Variants in TRPS1 observed in about 807,000 individuals in gnomAD.
TRPS1 encodes the protein zinc finger transcription factor Trps1.
Under a neutral mutation model 101.2 loss-of-function variants are expected in TRPS1, and 6 were observed. The observed-to-expected ratio is 0.06, with a 90% CI of 0.03 to 0.12. The LOEUF (loss-of-function observed/expected upper bound fraction) is 0.12, where lower values mean the gene tolerates loss of function less well. TRPS1 is among the 10% of genes least tolerant of loss of function. The probability of loss-of-function intolerance (pLI) is 1.00; values close to 1 mark genes in which losing one functional copy is unlikely to be tolerated. For synonymous variants in TRPS1, 578 were observed against 589.8 expected, an observed-to-expected ratio of 0.98 and a Z score of 0.29; for missense variants, 1,363 against 1,567.0, an observed-to-expected ratio of 0.87 and a Z score of 2.20.
intron 1 of TRPS1, among the ~76,000 whole-genome samples, chr8:115,628,409 T>TA (rs1818556765): frequency 6.6e-6 from 1 of 151,752 alleles, no homozygotes; most frequent in Admixed American, 6.6e-5. Context: ...CTAATTAGCA[T>TA]CATTTTTCCC....
At chr8:115,486,863 C>T (rs958395613) in intron 5 of TRPS1, among the ~76,000 whole-genome samples, 3 of 152,150 alleles carry the variant, frequency 2.0e-5, no homozygotes, top group African/African-American at 4.8e-5. Flanking sequence ...GAAGCAAGTG[C>T]TGAAGGAGAA....
At chr8:115,633,222 T>C (rs894363202) in intron 1 of TRPS1, among the ~76,000 whole-genome samples, 2 of 151,888 alleles carry the variant, frequency 1.3e-5, no homozygotes, top group Non-Finnish European at 2.9e-5. Context: ...GAAAGCGTTC[T>C]GAACAAAAGG....
At chr8:115,629,612 T>C (rs557028542) in intron 1 of TRPS1, among the ~76,000 whole-genome samples, 7 of 151,888 alleles carry the variant, frequency 4.6e-5, no homozygotes, top group Admixed American at 1.3e-4. Context: ...TATTATTTTA[T>C]AATAACTTAA....
intron 5 of TRPS1, among the ~76,000 whole-genome samples, chr8:115,483,625 A>T (rs1313435249): frequency 6.6e-6 from 1 of 152,180 alleles, no homozygotes; most frequent in Admixed American, 6.5e-5. Context: ...CCAAGTGGTT[A>T]AGTAACTTGC....
At chr8:115,417,403 T>C (rs762380660) in intron 6 of TRPS1, among the ~76,000 whole-genome samples, 6 of 152,182 alleles carry the variant, frequency 3.9e-5, no homozygotes, top group Non-Finnish European at 8.8e-5. Context: ...TAAAAGTGTA[T>C]TCCCTGTAGC....
At chr8:115,486,656 T>C (rs989929875) in intron 5 of TRPS1, among the ~76,000 whole-genome samples, 2 of 152,210 alleles carry the variant, frequency 1.3e-5, no homozygotes, top group African/African-American at 2.4e-5. Context: ...AAAGTTTTAA[T>C]GGTCGGGATT....
At chr8:115,639,572 G>A (rs1554602256) in intron 1 of TRPS1, among the ~76,000 whole-genome samples, 4 of 151,594 alleles carry the variant, frequency 2.6e-5, no homozygotes, top group Non-Finnish European at 5.9e-5. Context: ...GTTCACGCCT[G>A]TAATCCCAGC....
chr8:115,659,666 G>T (rs1050119807), intron 1 of TRPS1, among the ~76,000 whole-genome samples: 1 of 151,898 alleles, frequency 6.6e-6, no homozygotes, highest in African/African-American at 2.4e-5. Flanking sequence ...AGCTACTTAA[G>T]AGTATTGAGA....
chr8:115,561,052 C>A (rs1816934523), intron 5 of TRPS1, among the ~76,000 whole-genome samples: 1 of 152,106 alleles, frequency 6.6e-6, no homozygotes, highest in Non-Finnish European at 1.5e-5. Flanking sequence ...TAATCATGGA[C>A]TGGTGCAACG....
intron 5 of TRPS1, among the ~76,000 whole-genome samples, chr8:115,473,089 G>T (rs1814512852): frequency 6.6e-6 from 1 of 151,994 alleles, no homozygotes; most frequent in Non-Finnish European, 1.5e-5. Context: ...ACATTTTTCA[G>T]TGTCTTTACA....
chr8:115,422,567 C>A (rs925467240), intron 5 of TRPS1, among the ~76,000 whole-genome samples: 3 of 152,048 alleles, frequency 2.0e-5, no homozygotes, highest in African/African-American at 7.2e-5. Flanking sequence ...GGTTTCACCA[C>A]GTTGACCAGC....
intron 5 of TRPS1, among the ~76,000 whole-genome samples, chr8:115,457,164 A>T (rs544880260): frequency 1.3e-5 from 2 of 152,376 alleles, no homozygotes; most frequent in South Asian, 4.1e-4. Context: ...AACAGTTTTG[A>T]TAAAAAGAAG....
intron 1 of TRPS1, chr8:115,637,378 T>A: frequency 1.2e-6 from 1 of 866,190 alleles, no homozygotes; most frequent in Non-Finnish European, 1.4e-6. Flanking sequence ...GTGTGACATG[T>A]AGACGGAAGA....
At chr8:115,451,063 C>T (rs1476583153) in intron 5 of TRPS1, among the ~76,000 whole-genome samples, 1 of 152,172 alleles carries the variant, frequency 6.6e-6, no homozygotes, top group African/African-American at 2.4e-5. Context: ...TATTCTTCTT[C>T]ACATCTTTAC....
chr8:115,409,261 G>GGAAA lies in TRPS1; in HGVS notation c.*4761_*4762insTTTC, dbSNP rs886062602. ...TGATATGCTGCAGTTTATATGTTGG[G>GGAAA]AAAAAAAAAAAAAAAAAAAACAGGG... is the stretch of plus-strand genomic sequence containing the variant. On this transcript the variant is annotated 3_prime_UTR_variant, in exon 7 of 7. Coordinates refer to ENST00000395715, the MANE Select transcript of TRPS1 (RefSeq NM_014112.5). The GGAAA allele has an allele frequency of 2.6e-4, 27 of 102,264 alleles. No individual in the cohort carries two copies. The highest frequency in any genetic ancestry group is 1.1e-3 in the African/African-American group (27 of 24,728). 6.3% of individuals were successfully genotyped at this position (102,264 alleles called of 1,614,324 possible). A position where few individuals can be genotyped will look rare whatever the true frequency, so the allele number is the denominator to read the frequency against.
At chr8:115,510,835 T>C (rs912706663) in intron 5 of TRPS1, among the ~76,000 whole-genome samples, 2 of 151,956 alleles carry the variant, frequency 1.3e-5, no homozygotes, top group African/African-American at 4.8e-5. Flanking sequence ...CCATTTTGAA[T>C]GCCAAGGTTA....
At chr8:115,652,814 T>C (rs1811591978) in intron 1 of TRPS1, among the ~76,000 whole-genome samples, 1 of 152,222 alleles carries the variant, frequency 6.6e-6, no homozygotes, top group Non-Finnish European at 1.5e-5. Context: ...CAAATATGCC[T>C]CATGAGGTCA....
chr8:115,414,620 T>A lies in TRPS1; in HGVS notation c.3288A>T (p.Pro1096=). ...ACTGGTACTTTTCAATAGGGCTGCC[T>A]GGTGGTGAATAATTTGGGTGTTTCG... ...RPAKHPNYSP[P]GSPIEKYQYP... is the part of the protein sequence containing the mutation. The change falls in exon 7 of 7, where the codon CCA becomes CCT. Residue 1096 remains proline, a synonymous_variant. Transcript: ENST00000395715. This position sits in a 1 kb window ranked among gnomAD's most constrained non-coding sequence, Gnocchi z 4.8. 1 of 1,614,044 alleles carries A rather than the reference T, an allele frequency of 6.2e-7. No individual in the cohort carries two copies. Among genetic ancestry groups the A allele is most frequent in the African/African-American group, 1.3e-5 (1 of 75,010 alleles).
At chr8:115,635,638 G>C (rs1818750950) in intron 1 of TRPS1, among the ~76,000 whole-genome samples, 1 of 152,070 alleles carries the variant, frequency 6.6e-6, no homozygotes, top group South Asian at 2.1e-4. Flanking sequence ...GGGGTTCTGG[G>C]GGTAAAAAGG....
Sources: allele counts gnomAD v4.1 joint callset (sites outside exome capture counted in the v4.1 genomes callset), GRCh38; gene constraint gnomAD v4.1.1; non-coding constraint Gnocchi (gnomAD v3.1); transcripts MANE v1.5; gene names NCBI Gene and HGNC (gene_info 2026-07-23, HGNC 2026-07-21).